OSBPL1A: variants seen among roughly 807,000 people sequenced by gnomAD.
The protein encoded by OSBPL1A is oxysterol binding protein like 1A.
OSBPL1A carries 80 observed loss-of-function variants against 137.1 expected under a neutral mutation model. That is an observed-to-expected ratio of 0.58 (90% confidence interval 0.49 to 0.70). The LOEUF (loss-of-function observed/expected upper bound fraction) is 0.70, where lower values mean the gene tolerates loss of function less well. Among genes scored for constraint, OSBPL1A ranks in the 30% least tolerant of loss-of-function variants. OSBPL1A has a pLI of 0.00. For synonymous variants in OSBPL1A, 365 were observed against 389.7 expected (o/e 0.94, Z 0.75); for missense variants, 970 against 1,129.4 (o/e 0.86, Z 2.02).
intron 15 of OSBPL1A, among the ~76,000 whole-genome samples, chr18:24,267,048 G>A (rs559002266): frequency 6.6e-6 from 1 of 150,910 alleles, no homozygotes; most frequent in South Asian, 2.1e-4. Flanking sequence ...GAGGGACTGA[G>A]ATTCATTTGA....
intron 14 of OSBPL1A, among the ~76,000 whole-genome samples, chr18:24,290,320 A>T (rs544115223): frequency 6.6e-6 from 1 of 152,336 alleles, no homozygotes; most frequent in East Asian, 1.9e-4. Context: ...AGGCCTAACC[A>T]GTGATGCCTG....
chr18:24,310,196 G>C (rs1236410605), intron 13 of OSBPL1A, among the ~76,000 whole-genome samples: 8 of 151,848 alleles, frequency 5.3e-5, no homozygotes, highest in Admixed American at 2.6e-4. Flanking sequence ...AAAGGCAAAA[G>C]CTTCATGGTT....
At chr18:24,323,539 C>CTTTTTTTTTTTTTT (rs763234169) in intron 7 of OSBPL1A, among the ~76,000 whole-genome samples, 1 of 35,154 alleles carries the variant, frequency 2.8e-5, no homozygotes, top group Admixed American at 1.8e-4. Context: ...GAGGCTTTTT[C>CTTTTTTTTTTTTTT]TTTTTTTTTT....
At chr18:24,249,397 C>G in intron 15 of OSBPL1A, among the ~76,000 whole-genome samples, 1 of 152,322 alleles carries the variant, frequency 6.6e-6, no homozygotes, top group East Asian at 1.9e-4. Flanking sequence ...GTACCCCTCA[C>G]AGGAACACCA....
At chr18:24,191,180 C>T (rs1345834960) in intron 18 of OSBPL1A, among the ~76,000 whole-genome samples, 1 of 152,168 alleles carries the variant, frequency 6.6e-6, no homozygotes. Context: ...TGAAAGGTAA[C>T]AAAACCTTGT....
chr18:24,202,644 A>G (rs893220461), intron 17 of OSBPL1A, among the ~76,000 whole-genome samples: 1 of 152,272 alleles, frequency 6.6e-6, no homozygotes, highest in African/African-American at 2.4e-5. Flanking sequence ...AACAGCTATC[A>G]TTCAGTATTT....
At chr18:24,169,214 C>T (rs868671757) in intron 24 of OSBPL1A, among the ~76,000 whole-genome samples, 1 of 152,344 alleles carries the variant, frequency 6.6e-6, no homozygotes, top group African/African-American at 2.4e-5. Context: ...ATGCTCCGGC[C>T]GTTTAATAAA....
chr18:24,304,753 A>G (rs1254351313), intron 13 of OSBPL1A, among the ~76,000 whole-genome samples: 1 of 152,188 alleles, frequency 6.6e-6, no homozygotes, highest in Admixed American at 6.5e-5. Context: ...TTCACCTTAT[A>G]AATTTTTTAG....
intron 4 of OSBPL1A, among the ~76,000 whole-genome samples, chr18:24,365,025 C>CCA (rs2091682024): frequency 1.1e-5 from 1 of 89,698 alleles, no homozygotes; most frequent in Non-Finnish European, 2.2e-5. Flanking sequence ...AAAACAACAA[C>CCA]AAAAAAAAAA....
chr18:24,390,448 T>A (rs1599743534), intron 1 of OSBPL1A, among the ~76,000 whole-genome samples: 1 of 152,096 alleles, frequency 6.6e-6, no homozygotes, highest in Non-Finnish European at 1.5e-5. Flanking sequence ...ATCCCAAGAC[T>A]TTGGGAGGCC....
chr18:24,313,609 C>A (rs1042479585), intron 12 of OSBPL1A, among the ~76,000 whole-genome samples: 4 of 152,214 alleles, frequency 2.6e-5, no homozygotes, highest in East Asian at 1.9e-4. Flanking sequence ...AGCTGCCTGG[C>A]CTTGGGAAAT....
At chr18:24,239,965 G>A (rs573459928) in intron 15 of OSBPL1A, among the ~76,000 whole-genome samples, 21 of 114,690 alleles carry the variant, frequency 1.8e-4, no homozygotes, top group African/African-American at 6.8e-4. Flanking sequence ...TCATTTTGTC[G>A]CCTAAGCTGG....
chr18:24,190,346 GAAAAAAA>G (rs140195338), intron 18 of OSBPL1A, among the ~76,000 whole-genome samples: 3 of 49,178 alleles, frequency 6.1e-5, no homozygotes, highest in African/African-American at 1.5e-4. Context: ...CTCTGCTACT[GAAAAAAA>G]AAAAAAAAAA....
chr18:24,178,301 T>TCTCAACAACAACAACAAAAGAA, intron 20 of OSBPL1A, 106 bp from the exon 21 acceptor site: 1 of 1,129,990 alleles, frequency 8.8e-7, no homozygotes, highest in Non-Finnish European at 1.2e-6. Context: ...AATTCTTTTG[T>TCTCAACAACAACAACAAAAGAA]TGTTGTTGTT....
intron 14 of OSBPL1A, among the ~76,000 whole-genome samples, chr18:24,296,953 G>C (rs79504016): frequency 0.084 from 12,747 of 152,106 alleles, 1,741 homozygotes; most frequent in African/African-American, 0.29. Context: ...ATATTGGTCT[G>C]TAGTTTTCCT....
intron 17 of OSBPL1A, among the ~76,000 whole-genome samples, chr18:24,210,067 T>C (rs2087486911): frequency 6.6e-6 from 1 of 152,224 alleles, no homozygotes; most frequent in African/African-American, 2.4e-5. Context: ...GTAATGTAAC[T>C]TGTTGCTATA....
chr18:24,228,630 G>C lies in OSBPL1A; in HGVS notation c.1445-3432C>G, dbSNP rs374248573. 3.5e-4 allele frequency among the ~76,000 whole-genome samples: 54 copies of C among 152,264 alleles called. 1 individual carries two copies. In the South Asian group the frequency reaches 0.011, roughly 32 times the overall value. On this transcript the variant is annotated intron_variant, in intron 16 of 27. Coordinates refer to ENST00000319481, the MANE Select transcript of OSBPL1A (RefSeq NM_080597.4). Reference sequence around the variant, plus strand: ...TCTAGGTGATCACAGGAGTCTGAATGGGGGCAGCGGGCTACAAAGGAGGCA... The same window carrying C: ...TCTAGGTGATCACAGGAGTCTGAATCGGGGCAGCGGGCTACAAAGGAGGCA...
intron 15 of OSBPL1A, among the ~76,000 whole-genome samples, chr18:24,251,757 G>C (rs1331263894): frequency 6.6e-6 from 1 of 152,198 alleles, no homozygotes; most frequent in East Asian, 1.9e-4. Flanking sequence ...CCTGGAGAAA[G>C]AGGGACATGT....
chr18:24,240,245 A>G (rs897672794), intron 15 of OSBPL1A, among the ~76,000 whole-genome samples: 1 of 152,038 alleles, frequency 6.6e-6, no homozygotes, highest in East Asian at 1.9e-4. Context: ...TTCCAATTCC[A>G]TATTTTGGTT....
Sources: allele counts gnomAD v4.1 joint callset (sites outside exome capture counted in the v4.1 genomes callset), GRCh38; gene constraint gnomAD v4.1.1; transcripts MANE v1.5; gene names NCBI Gene and HGNC (gene_info 2026-07-23, HGNC 2026-07-21).